Variants in ZNF385D observed in about 807,000 individuals in gnomAD.
ZNF385D encodes the protein zinc finger protein 659.
Under a neutral mutation model 35.8 loss-of-function variants are expected in ZNF385D, and 15 were observed. That is an observed-to-expected ratio of 0.42 (90% CI 0.28 to 0.64). The LOEUF is 0.64. Among genes scored for constraint, ZNF385D ranks in the 30% least tolerant of loss-of-function variants. The probability of loss-of-function intolerance (pLI) is 0.23; values close to 1 mark genes in which losing one functional copy is unlikely to be tolerated. For missense variants in ZNF385D, 474 were observed against 494.6 expected (o/e 0.96, Z 0.39); for synonymous variants, 212 against 186.8 (o/e 1.13, Z -1.10).
intron 2 of ZNF385D, among the ~76,000 whole-genome samples, chr3:22,331,966 A>T (rs1575136267): frequency 6.6e-6 from 1 of 152,324 alleles, no homozygotes; most frequent in East Asian, 1.9e-4. Flanking sequence ...ATCACTTATT[A>T]GATTTTTACT....
At chr3:22,047,467 G>C (rs1463171494) in intron 3 of ZNF385D, among the ~76,000 whole-genome samples, 1 of 151,914 alleles carries the variant, frequency 6.6e-6, no homozygotes, top group Non-Finnish European at 1.5e-5. Context: ...TAAATTTTTT[G>C]AGATTCAACA....
chr3:22,029,118 G>A (rs976128309), intron 3 of ZNF385D, among the ~76,000 whole-genome samples: 5 of 152,102 alleles, frequency 3.3e-5, no homozygotes, highest in Admixed American at 2.6e-4. Flanking sequence ...CTGCCACCAG[G>A]AGACACAACA....
chr3:22,119,001 G>T (rs1006454897), intron 3 of ZNF385D, among the ~76,000 whole-genome samples: 4 of 151,990 alleles, frequency 2.6e-5, no homozygotes, highest in African/African-American at 7.2e-5. Context: ...ACCTGCTATT[G>T]TACTGTTTTT....
At chr3:21,813,431 C>A (rs897015006) in intron 3 of ZNF385D, among the ~76,000 whole-genome samples, 1 of 152,096 alleles carries the variant, frequency 6.6e-6, no homozygotes. Context: ...CTGAACCCAT[C>A]GCAAAGAAGC....
intron 4 of ZNF385D, among the ~76,000 whole-genome samples, chr3:21,467,718 C>G (rs538345832): frequency 1.4e-4 from 22 of 152,136 alleles, no homozygotes; most frequent in African/African-American, 4.6e-4. Context: ...CATTTGGGTG[C>G]CATATCTTTC....
At chr3:22,248,708 G>A (rs1426750967) in intron 2 of ZNF385D, among the ~76,000 whole-genome samples, 7 of 152,158 alleles carry the variant, frequency 4.6e-5, no homozygotes, top group Admixed American at 2.0e-4. Context: ...TTTTAAAATA[G>A]GGCTGCAAAT....
At chr3:22,201,235 T>A (rs1696777426) in intron 2 of ZNF385D, among the ~76,000 whole-genome samples, 1 of 152,146 alleles carries the variant, frequency 6.6e-6, no homozygotes, top group South Asian at 2.1e-4. Flanking sequence ...ACAATCCACG[T>A]TCTTCTGCCG....
chr3:21,978,285 T>A (rs1222927563), intron 3 of ZNF385D: 3 of 152,226 alleles, frequency 2.0e-5, no homozygotes, highest in African/African-American at 7.2e-5. Context: ...CAGGCACTTG[T>A]TAAAAAGTAA....
intron 3 of ZNF385D, among the ~76,000 whole-genome samples, chr3:22,145,740 T>G (rs1330536412): frequency 6.6e-6 from 1 of 152,200 alleles, no homozygotes; most frequent in Non-Finnish European, 1.5e-5. Context: ...TTAACTATTC[T>G]GTATTTATAC....
intron 3 of ZNF385D, among the ~76,000 whole-genome samples, chr3:22,042,159 A>G (rs116828720): frequency 2.0e-5 from 3 of 152,126 alleles, no homozygotes; most frequent in East Asian, 3.9e-4. Context: ...AAGGAATCCT[A>G]CTACCTGGAT....
chr3:22,155,226 A>C (rs1230536263), intron 3 of ZNF385D, among the ~76,000 whole-genome samples: 2 of 152,138 alleles, frequency 1.3e-5, no homozygotes, highest in Non-Finnish European at 2.9e-5. Flanking sequence ...ATGTGAGAGA[A>C]GTACAGAAAA....
At chr3:21,781,478 A>AG (rs2071485657) in intron 3 of ZNF385D, among the ~76,000 whole-genome samples, 1 of 151,972 alleles carries the variant, frequency 6.6e-6, no homozygotes, top group Non-Finnish European at 1.5e-5. Flanking sequence ...AAGAAGTGTC[A>AG]AAGTCTTGAG....
Position 22,138,586 on chromosome 3 carries a change from A to C in ZNF385D, c.325+30231T>G, listed in dbSNP as rs959845170. On this transcript the variant is annotated intron_variant, in intron 3 of 5. Transcript: ENST00000494108. ...TGGGGAAAGGATTCCTTATTTAATA[A>C]ATGGTGCTGGGAAAACTGGCTAGCT... Among the ~76,000 whole-genome samples, 93 of 151,686 alleles carry C rather than the reference A, an allele frequency of 6.1e-4. 1 individual carries two copies. Among genetic ancestry groups the C allele is most frequent in the Admixed American group, 2.2e-3 (33 of 15,206 alleles).
chr3:21,628,722 G>C (rs1282639102), intron 2 of ZNF385D, among the ~76,000 whole-genome samples: 2 of 152,144 alleles, frequency 1.3e-5, no homozygotes, highest in East Asian at 3.9e-4. Context: ...GTAAGTCTAG[G>C]AAGGGGCCAG....
intron 2 of ZNF385D, among the ~76,000 whole-genome samples, chr3:21,600,626 CA>C (rs2064256784): frequency 1.3e-5 from 2 of 151,912 alleles, no homozygotes; most frequent in African/African-American, 4.8e-5. Context: ...AAGCTGATAT[CA>C]TAAGATATTT....
chr3:21,855,910 GT>G (rs1400051857), intron 3 of ZNF385D, among the ~76,000 whole-genome samples: 1 of 151,800 alleles, frequency 6.6e-6, no homozygotes, highest in Admixed American at 6.6e-5. Context: ...TTTAGAGGTG[GT>G]AGCTAATAAC....
chr3:22,220,439 C>G (rs1298523081), intron 2 of ZNF385D, among the ~76,000 whole-genome samples: 1 of 152,098 alleles, frequency 6.6e-6, no homozygotes, highest in Non-Finnish European at 1.5e-5. Context: ...ACAAAGTAAC[C>G]ATCCAAATCT....
chr3:21,570,196 A>C (rs1017104433), intron 2 of ZNF385D, among the ~76,000 whole-genome samples: 1 of 152,182 alleles, frequency 6.6e-6, no homozygotes, highest in African/African-American at 2.4e-5. Context: ...ATTCAATTTC[A>C]AACTCAGCCC....
At chr3:21,530,333 G>T (rs2061893486) in intron 3 of ZNF385D, among the ~76,000 whole-genome samples, 1 of 152,216 alleles carries the variant, frequency 6.6e-6, no homozygotes, top group Admixed American at 6.5e-5. Flanking sequence ...TGCTTTGTGA[G>T]AATCAAATTA....
Sources: gnomAD v4.1 joint callset for allele counts (sites outside exome capture counted in the v4.1 genomes callset) on GRCh38, gnomAD v4.1.1 for gene constraint, MANE v1.5 for transcripts, NCBI Gene and HGNC (gene_info 2026-07-23, HGNC 2026-07-21) for gene names.